CAMK1D: variants seen among roughly 807,000 people sequenced by gnomAD.
CAMK1D encodes calcium/calmodulin dependent protein kinase ID, also known as calcium/calmodulin-dependent protein kinase type 1D.
Under a neutral mutation model 47.7 loss-of-function variants are expected in CAMK1D, and 9 were observed. The ratio of observed to expected loss-of-function variants is 0.19; its 90% CI spans 0.11 to 0.33. The LOEUF is 0.33. Ranked by LOEUF, CAMK1D falls within the 10% of genes least tolerant of loss-of-function variation. CAMK1D has a pLI of 1.00. For synonymous variants in CAMK1D, 184 were observed against 184.9 expected, an observed-to-expected ratio of 0.99 and a Z score of 0.04; for missense variants, 291 against 488.7, an observed-to-expected ratio of 0.60 and a Z score of 3.81.
At chr10:12,379,459 C>T (rs918273074) in intron 1 of CAMK1D, among the ~76,000 whole-genome samples, 4 of 151,940 alleles carry the variant, frequency 2.6e-5, no homozygotes, top group African/African-American at 9.7e-5. Context: ...TAGCTAAAAT[C>T]CCTTAATTTG....
chr10:12,381,627 A>G (rs1260240352), intron 1 of CAMK1D, among the ~76,000 whole-genome samples: 1 of 152,108 alleles, frequency 6.6e-6, no homozygotes, highest in South Asian at 2.1e-4. Context: ...CACCCAGCCA[A>G]TTCTCAAGTT....
chr10:12,602,982 C>G (rs908299347), intron 2 of CAMK1D, among the ~76,000 whole-genome samples: 1 of 151,028 alleles, frequency 6.6e-6, no homozygotes, highest in Non-Finnish European at 1.5e-5. Context: ...GCGATCTTGG[C>G]TCACAGCAAC....
intron 1 of CAMK1D, among the ~76,000 whole-genome samples, chr10:12,399,317 A>G (rs1399637594): frequency 1.3e-5 from 2 of 152,188 alleles, no homozygotes; most frequent in African/African-American, 2.4e-5. Flanking sequence ...CAGCCTGGCC[A>G]ACATGGTGAA....
chr10:12,419,640 G>GCACACACACACA (rs111807347), intron 1 of CAMK1D, among the ~76,000 whole-genome samples: 14,536 of 147,014 alleles, frequency 0.099, 757 homozygotes, highest in Middle Eastern at 0.13. Context: ...AAGAGAAAAT[G>GCACACACACACA]CACACACACA....
At chr10:12,730,614 C>G (rs938860666) in intron 3 of CAMK1D, among the ~76,000 whole-genome samples, 1 of 152,126 alleles carries the variant, frequency 6.6e-6, no homozygotes, top group Non-Finnish European at 1.5e-5. Context: ...ACAGACTGAG[C>G]TCTGGGGCTG....
intron 2 of CAMK1D, among the ~76,000 whole-genome samples, chr10:12,580,157 G>C (rs1221711531): frequency 2.0e-5 from 3 of 152,074 alleles, no homozygotes; most frequent in Non-Finnish European, 1.5e-5. Flanking sequence ...TTTCCTAAAG[G>C]GTTAGTCATT....
chr10:12,713,548 A>G (rs995414939), intron 3 of CAMK1D, among the ~76,000 whole-genome samples: 12 of 152,204 alleles, frequency 7.9e-5, no homozygotes, highest in African/African-American at 2.4e-4. Flanking sequence ...TCAAAAACCA[A>G]AAAGAAACAG....
chr10:12,827,368 CTT>C (rs1833266387), intron 10 of CAMK1D, among the ~76,000 whole-genome samples: 7 of 47,692 alleles, frequency 1.5e-4, no homozygotes, highest in Non-Finnish European at 1.5e-4. Context: ...CTTTCTTTCT[CTT>C]TCTTTCTTTT....
intron 2 of CAMK1D, among the ~76,000 whole-genome samples, chr10:12,594,904 A>G (rs768730368): frequency 7.9e-5 from 12 of 152,174 alleles, no homozygotes; most frequent in Non-Finnish European, 1.5e-4. Context: ...TTGACTATAT[A>G]GGTCAGGATC....
intron 2 of CAMK1D, among the ~76,000 whole-genome samples, chr10:12,595,344 A>AAAAAAAAAAAAAAAC (rs1838115532): frequency 6.9e-6 from 1 of 145,736 alleles, no homozygotes; most frequent in Non-Finnish European, 1.5e-5. Context: ...CTCCATCTGA[A>AAAAAAAAAAAAAAAC]AAAAAAAAAA....
intron 3 of CAMK1D, among the ~76,000 whole-genome samples, chr10:12,722,646 T>C (rs1047849880): frequency 1.3e-5 from 2 of 152,060 alleles, no homozygotes; most frequent in South Asian, 2.1e-4. Context: ...ATTTGGCAAA[T>C]GTTGGTTTCT....
At chr10:12,448,200 T>A (rs1174516934) in intron 1 of CAMK1D, among the ~76,000 whole-genome samples, 3 of 151,496 alleles carry the variant, frequency 2.0e-5, no homozygotes, top group Non-Finnish European at 4.4e-5. Flanking sequence ...TACTTATTTT[T>A]ATTTATTTAT....
At chr10:12,796,894 G>C (rs954142989) in intron 6 of CAMK1D, among the ~76,000 whole-genome samples, 6 of 151,494 alleles carry the variant, frequency 4.0e-5, no homozygotes, top group African/African-American at 1.5e-4. Flanking sequence ...AGACTCAGAG[G>C]AGAAAAAAAA....
chr10:12,757,852 C>CTTTTTT (rs869125453), intron 3 of CAMK1D, among the ~76,000 whole-genome samples: 2 of 91,446 alleles, frequency 2.2e-5, no homozygotes, highest in African/African-American at 8.7e-5. Flanking sequence ...GGGCCCTGCT[C>CTTTTTT]TTTTTTTTTT....
At chr10:12,608,350 G>A (rs1373201202) in intron 2 of CAMK1D, among the ~76,000 whole-genome samples, 5 of 152,200 alleles carry the variant, frequency 3.3e-5, no homozygotes, top group African/African-American at 4.8e-5. Flanking sequence ...CCTGGGAGGC[G>A]GAGGTTACAG....
At position 12,748,080 on chromosome 10, in the gene CAMK1D, C is replaced by A. The variant is rs553319598; in HGVS notation, c.300-12868C>A. On this transcript the variant is annotated intron_variant, in intron 3 of 10. Coordinates refer to ENST00000619168, the MANE Select transcript of CAMK1D (RefSeq NM_153498.4). ...CCCTCACGGCGCCAGTCAGAGGATG[C>A]AGCGAAGGGATGCTAAGAAGCCATT... 4.8e-4 allele frequency among the ~76,000 whole-genome samples: 73 copies of A among 152,306 alleles called. No individual in the cohort carries two copies. The Middle Eastern group carries it at 0.014, about 28-fold the overall frequency.
At chr10:12,422,751 C>T (rs1171080172) in intron 1 of CAMK1D, among the ~76,000 whole-genome samples, 4 of 151,902 alleles carry the variant, frequency 2.6e-5, no homozygotes, top group Admixed American at 2.6e-4. Context: ...CGGCTCACTG[C>T]AACCTCTGCC....
At chr10:12,540,035 T>A (rs1052871471) in intron 1 of CAMK1D, among the ~76,000 whole-genome samples, 5 of 152,118 alleles carry the variant, frequency 3.3e-5, no homozygotes, top group Non-Finnish European at 5.9e-5. Flanking sequence ...CACCTCAGCC[T>A]CCCAAGTAAG....
chr10:12,682,093 G>T (rs1235862034), intron 3 of CAMK1D, among the ~76,000 whole-genome samples: 2 of 152,186 alleles, frequency 1.3e-5, no homozygotes, highest in Non-Finnish European at 1.5e-5. Flanking sequence ...GGTGTTGGGT[G>T]CCTGTAGTCC....
Sources: allele counts gnomAD v4.1 joint callset (sites outside exome capture counted in the v4.1 genomes callset), GRCh38; gene constraint gnomAD v4.1.1; transcripts MANE v1.5; gene names NCBI Gene and HGNC (gene_info 2026-07-23, HGNC 2026-07-21).